Variants in MCF2L2 observed in about 807,000 individuals in gnomAD.
MCF2L2 encodes the protein probable guanine nucleotide exchange factor MCF2L2.
MCF2L2 carries 102 observed loss-of-function variants against 150.2 expected under a neutral mutation model. The ratio of observed to expected loss-of-function variants is 0.68; its 90% CI spans 0.58 to 0.80. The LOEUF (loss-of-function observed/expected upper bound fraction) is 0.80. Ranked by LOEUF, MCF2L2 falls within the 30% of genes least tolerant of loss-of-function variation. MCF2L2 has a pLI of 0.00. For missense variants in MCF2L2, 1,256 were observed against 1,372.8 expected (o/e 0.91, Z 1.34); for synonymous variants, 465 against 491.3 (o/e 0.95, Z 0.71).
intron 1 of MCF2L2, among the ~76,000 whole-genome samples, chr3:183,423,335 G>T (rs1715982622): frequency 6.6e-6 from 1 of 152,148 alleles, no homozygotes; most frequent in South Asian, 2.1e-4. Flanking sequence ...TATCAATGTT[G>T]ACTGTGTCCC....
chr3:183,388,081 G>GT (rs1342127294), intron 2 of MCF2L2, among the ~76,000 whole-genome samples: 1 of 152,022 alleles, frequency 6.6e-6, no homozygotes, highest in Non-Finnish European at 1.5e-5. Context: ...ACCAGTTCAT[G>GT]TTTTTTTCTA....
At chr3:183,420,716 G>T (rs1715837563) in intron 1 of MCF2L2, among the ~76,000 whole-genome samples, 1 of 152,208 alleles carries the variant, frequency 6.6e-6, no homozygotes, top group Non-Finnish European at 1.5e-5. Context: ...GTGACAGAAG[G>T]CAAAGGGGAA....
At chr3:183,266,315 G>A (rs979602361) in intron 15 of MCF2L2, among the ~76,000 whole-genome samples, 1 of 152,222 alleles carries the variant, frequency 6.6e-6, no homozygotes. Flanking sequence ...TCAGGAATAG[G>A]CAGCTGGTTT....
chr3:183,272,009 A>G, intron 15 of MCF2L2: 1 of 399,786 alleles, frequency 2.5e-6, no homozygotes, highest in Non-Finnish European at 3.6e-6. Context: ...AGCATTAAAC[A>G]TCAAAGTTAT....
intron 24 of MCF2L2, 56 bp downstream of exon 24, chr3:183,206,066 T>C (rs976074047): frequency 6.3e-6 from 10 of 1,576,312 alleles, no homozygotes; most frequent in Admixed American, 5.0e-5. Context: ...TGTCAAGTCA[T>C]GGGAACACAA....
chr3:183,273,079 G>T, intron 15 of MCF2L2: 2 of 1,420,382 alleles, frequency 1.4e-6, no homozygotes, highest in Non-Finnish European at 1.9e-6. Context: ...AAATAAAAGG[G>T]TTCCAACCTT....
chr3:183,268,628 C>T (rs1344787373), intron 15 of MCF2L2, among the ~76,000 whole-genome samples: 5 of 152,280 alleles, frequency 3.3e-5, no homozygotes, highest in East Asian at 1.9e-4. Context: ...AGAAATGACA[C>T]TTGAGTACCC....
intron 19 of MCF2L2, among the ~76,000 whole-genome samples, 168 bp from the exon 20 acceptor site, chr3:183,223,606 G>C (rs546553318): frequency 4.6e-5 from 7 of 152,214 alleles, no homozygotes; most frequent in Non-Finnish European, 8.8e-5. Flanking sequence ...TAGGAACAGT[G>C]TGTGAAATAA....
chr3:183,181,426 G>A lies in MCF2L2; in HGVS notation c.3017-1267C>T, dbSNP rs1721516943. Reference sequence around the variant, plus strand: ...ACACCCTCCTCTCAGGTTGAAGCAAGTCCTGGTTGAGTTCCTAGTCCCAGG... The same window carrying A: ...ACACCCTCCTCTCAGGTTGAAGCAAATCCTGGTTGAGTTCCTAGTCCCAGG... On this transcript the variant is annotated intron_variant, in intron 27 of 29. Transcript: ENST00000328913. This position sits in a 1 kb window ranked among gnomAD's most constrained non-coding sequence, Gnocchi z 4.3. Among the ~76,000 whole-genome samples the A allele has an allele frequency of 6.6e-6, 1 of 152,078 alleles. No individual in the cohort carries two copies. The highest frequency in any genetic ancestry group is 2.4e-5 in the African/African-American group (1 of 41,404).
At position 183,180,314 on chromosome 3, in the gene MCF2L2, G is replaced by A. The variant is rs1295943083; in HGVS notation, c.3017-155C>T. ...GGGCCTGCACTGCGCTGGGCTGTGA[G>A]GGGGTCTGTGATCTCCAGGCTGCTT... On this transcript the variant is annotated intron_variant, in intron 27 of 29. Transcript: ENST00000328913. 56 of 596,360 alleles carry A rather than the reference G, an allele frequency of 9.4e-5. No homozygotes were observed. The East Asian group carries it at 1.5e-3, about 16-fold the overall frequency. The allele number at this position is 596,360 out of a possible 1,614,324, so 36.9% of individuals were successfully genotyped here.
At chr3:183,366,340 C>T (rs1712519733) in intron 3 of MCF2L2, among the ~76,000 whole-genome samples, 1 of 152,084 alleles carries the variant, frequency 6.6e-6, no homozygotes, top group African/African-American at 2.4e-5. Flanking sequence ...GTTCAAGGTA[C>T]TGTTAAGATT....
chr3:183,404,798 G>A (rs1714957753), intron 1 of MCF2L2, among the ~76,000 whole-genome samples: 2 of 152,110 alleles, frequency 1.3e-5, no homozygotes, highest in South Asian at 2.1e-4. Context: ...GGGAGGCGGA[G>A]GTTGCAGTGA....
intron 15 of MCF2L2, chr3:183,265,465 G>A (rs1441824642): frequency 1.3e-5 from 2 of 152,274 alleles, no homozygotes; most frequent in African/African-American, 2.4e-5. Flanking sequence ...GCTGGAAGCT[G>A]TGCTTTAGAG....
chr3:183,323,169 C>T, intron 6 of MCF2L2, 66 bp downstream of exon 6: 1 of 1,177,058 alleles, frequency 8.5e-7, no homozygotes, highest in South Asian at 1.5e-5. Context: ...TGATCTTTAA[C>T]TCCCCCACCC....
intron 1 of MCF2L2, among the ~76,000 whole-genome samples, chr3:183,406,522 CTTG>C (rs1235679120): frequency 6.6e-6 from 1 of 152,088 alleles, no homozygotes; most frequent in Non-Finnish European, 1.5e-5. Context: ...GAGTTTTGCT[CTTG>C]TTGTCCAGGC....
intron 27 of MCF2L2, among the ~76,000 whole-genome samples, chr3:183,190,228 G>A (rs918327410): frequency 2.6e-5 from 4 of 152,156 alleles, no homozygotes; most frequent in African/African-American, 9.7e-5. Flanking sequence ...ACCTGTATCT[G>A]ATCCCAGGTC....
intron 15 of MCF2L2, chr3:183,265,395 C>T (rs1726001312): frequency 6.6e-6 from 1 of 152,390 alleles, no homozygotes; most frequent in Non-Finnish European, 1.5e-5. Flanking sequence ...TTTTCTTCTA[C>T]CAGATCGGCA....
intron 3 of MCF2L2, 135 bp downstream of exon 3, chr3:183,379,162 A>C: frequency 1.7e-6 from 1 of 577,726 alleles, no homozygotes. Context: ...GATGGGTGAC[A>C]GAAGCCAGCT....
intron 1 of MCF2L2, among the ~76,000 whole-genome samples, chr3:183,425,816 G>A (rs61271846): frequency 1.3e-5 from 2 of 152,054 alleles, no homozygotes; most frequent in African/African-American, 2.4e-5. Flanking sequence ...TTAGCCGGGC[G>A]TGGTGGCACA....
Sources: allele counts gnomAD v4.1 joint callset (sites outside exome capture counted in the v4.1 genomes callset), GRCh38; gene constraint gnomAD v4.1.1; non-coding constraint Gnocchi (gnomAD v3.1); transcripts MANE v1.5; gene names NCBI Gene and HGNC (gene_info 2026-07-23, HGNC 2026-07-21).